Variants in TMBIM1 observed in about 807,000 individuals in gnomAD.
TMBIM1 encodes the protein transmembrane BAX inhibitor motif containing 1, also known as protein lifeguard 3.
A neutral mutation model predicts 45.1 loss-of-function variants in TMBIM1; 34 were observed. That is an observed-to-expected ratio of 0.75 (90% CI 0.57 to 1.00). TMBIM1 has a LOEUF of 1.00. TMBIM1 is among the 50% of genes least tolerant of loss of function. The probability of loss-of-function intolerance (pLI) is 0.00; values close to 1 mark genes in which losing one functional copy is unlikely to be tolerated. For missense variants in TMBIM1, 374 were observed against 402.4 expected, an observed-to-expected ratio of 0.93 and a Z score of 0.60; for synonymous variants, 157 against 153.5, an observed-to-expected ratio of 1.02 and a Z score of -0.17.
intron 1 of TMBIM1, among the ~76,000 whole-genome samples, chr2:218,287,710 C>T (rs1692632333): frequency 6.7e-6 from 1 of 150,340 alleles, no homozygotes; most frequent in Non-Finnish European, 1.5e-5. Context: ...AACCCCATCT[C>T]AAAAAAAAAG....
chr2:218,279,258 T>C (rs770103234), intron 4 of TMBIM1, 31 bp downstream of exon 4: 3 of 1,562,614 alleles, frequency 1.9e-6, no homozygotes, highest in Non-Finnish European at 2.6e-6. Flanking sequence ...CCCAGGGCAG[T>C]AGGAGTGGGT....
At chr2:218,278,020 G>A in intron 6 of TMBIM1, 46 bp from the exon 7 acceptor site, 1 of 1,607,098 alleles carries the variant, frequency 6.2e-7, no homozygotes, top group East Asian at 2.2e-5. Flanking sequence ...GGGCCCCTCA[G>A]GCGTCAGAGG....
rs762640669 is a variant in TMBIM1, at chr2:218,280,031, G to T, written c.298C>A (p.Arg100=). The change falls in exon 3 of 12, where the codon CGA becomes AGA. Residue 100 remains arginine (R), a synonymous_variant. Transcript: ENST00000258412. The stretch of plus-strand genomic sequence containing the variant: ...CCTCCCAGCGCGTATCTTACCTTTC[G>T]GATAAAAGTGTGTCGCACTTTCCGG... ...DDRKVRHTFI[R]KVYSIISVQL... is the part of the protein sequence containing the mutation. The T allele has an allele frequency of 6.2e-7, 1 of 1,613,788 alleles. No individual in the cohort carries two copies. The highest frequency in any genetic ancestry group is 1.7e-5 in the Admixed American group (1 of 59,992).
At chr2:218,292,304 G>T (rs947462897) in intron 1 of TMBIM1, among the ~76,000 whole-genome samples, 162 bp downstream of exon 1, 2 of 152,152 alleles carry the variant, frequency 1.3e-5, no homozygotes. Flanking sequence ...AGGGCCAGGA[G>T]GGGAGATCCC....
intron 7 of TMBIM1, 51 bp from the exon 8 acceptor site, chr2:218,277,721 A>G (rs1300179591): frequency 6.2e-7 from 1 of 1,612,072 alleles, no homozygotes; most frequent in Admixed American, 1.7e-5. Context: ...GAAGGAAGGC[A>G]GGGTGCTGGG....
chr2:218,278,240 T>A (rs1691454035), intron 6 of TMBIM1: 2 of 604,062 alleles, frequency 3.3e-6, no homozygotes, highest in Non-Finnish European at 5.8e-6. Context: ...GGGGAGAAAG[T>A]TACTCAGCCT....
At chr2:218,275,907 G>A (rs1219697744) in intron 11 of TMBIM1, 119 bp downstream of exon 11, 1 of 1,229,808 alleles carries the variant, frequency 8.1e-7, no homozygotes, top group Non-Finnish European at 1.1e-6. Context: ...AGTAGTGAGA[G>A]GAATGGCCTG....
intron 1 of TMBIM1, among the ~76,000 whole-genome samples, chr2:218,289,422 A>T (rs1692777602): frequency 6.6e-6 from 1 of 152,100 alleles, no homozygotes; most frequent in Non-Finnish European, 1.5e-5. Context: ...CAGGCGGATC[A>T]CTTGAGGTCA....
At chr2:218,276,111 G>A (rs1691181916) in intron 10 of TMBIM1, 32 bp from the exon 11 acceptor site, 1 of 1,607,992 alleles carries the variant, frequency 6.2e-7, no homozygotes, top group African/African-American at 1.3e-5. Context: ...AATGGCATTA[G>A]AAACCTCAGC....
In TMBIM1 at chr2:218,275,418, C is replaced by T; in HGVS notation, c.*57G>A. The T allele has an allele frequency of 1.9e-6, 3 of 1,573,166 alleles. No individual in the cohort carries two copies. In the South Asian group the frequency reaches 3.6e-5, roughly 19 times the overall value. On this transcript the variant is annotated 3_prime_UTR_variant, in exon 12 of 12. Transcript: ENST00000258412. Reference sequence around the variant, plus strand: ...AAGCCCAGACCACAGTCATAGGGCCCAGCCCTCTAGCTTGGAAGGGAGAGC... The same window carrying T: ...AAGCCCAGACCACAGTCATAGGGCCTAGCCCTCTAGCTTGGAAGGGAGAGC...
In TMBIM1 at chr2:218,282,188, TGG is replaced by T; in HGVS notation, c.-40-9_-40-8del. 7.1e-7 allele frequency: 1 copy of T among 1,398,696 alleles called. No homozygotes were observed. Among genetic ancestry groups the T allele is most frequent in the Non-Finnish European group, 9.4e-7 (1 of 1,060,176 alleles). 86.6% of individuals were successfully genotyped at this position (1,398,696 alleles called of 1,614,324 possible). A position where few individuals can be genotyped will look rare whatever the true frequency, so the allele number is the denominator to read the frequency against. ...GAACCCCAGCTGCTGGGACCTGAAA[TGG>T]GAGAGGAGAAAAGCAATCGTGAATG... On this transcript the variant is annotated splice_region_variant and splice_polypyrimidine_tract_variant and intron_variant, in intron 1 of 11. Coordinates refer to ENST00000258412, the MANE Select transcript of TMBIM1 (RefSeq NM_022152.6).
At chr2:218,285,540 G>A (rs1286563476) in intron 1 of TMBIM1, among the ~76,000 whole-genome samples, 1 of 152,162 alleles carries the variant, frequency 6.6e-6, no homozygotes, top group Non-Finnish European at 1.5e-5. Context: ...CCCAGGCTTG[G>A]AGATACATAA....
rs377618088 is a variant in TMBIM1, at chr2:218,275,610, G to A, written c.801C>T (p.Tyr267=). Residue 267 remains tyrosine (Y), a synonymous_variant, in exon 12 of 12, where the codon TAC becomes TAT. Transcript: ENST00000258412. Reference sequence around the variant, plus strand: ...GGTTCCCCAGGACCAGCTGTGTGTCGTAAGCCAGGAACTGCAAGGATAGGG... The same window carrying A: ...GGTTCCCCAGGACCAGCTGTGTGTCATAAGCCAGGAACTGCAAGGATAGGG... ...GAICFTLFLA[Y]DTQLVLGNRK... The A allele has an allele frequency of 1.1e-5, 18 of 1,611,674 alleles. No homozygotes were observed. The East Asian group carries it at 2.0e-4, about 18-fold the overall frequency.
intron 10 of TMBIM1, 83 bp downstream of exon 10, chr2:218,276,921 T>C: frequency 8.3e-7 from 1 of 1,200,400 alleles, no homozygotes; most frequent in Non-Finnish European, 1.2e-6. Context: ...CCCGGGGACC[T>C]TTGGGGCCTG....
intron 3 of TMBIM1, 68 bp downstream of exon 3, chr2:218,279,958 C>T: frequency 8.5e-7 from 1 of 1,173,838 alleles, no homozygotes; most frequent in Non-Finnish European, 1.3e-6. Flanking sequence ...GCTACTGTGG[C>T]CTACCCACTT....
intron 1 of TMBIM1, 64 bp from the exon 2 acceptor site, chr2:218,282,245 C>T (rs1000013463): frequency 1.7e-5 from 17 of 978,098 alleles, no homozygotes; most frequent in Non-Finnish European, 2.2e-5. Context: ...GCCTCATGGG[C>T]CCACTTCCAG....
intron 3 of TMBIM1, 177 bp from the exon 4 acceptor site, chr2:218,279,530 C>G (rs544027017): frequency 1.8e-6 from 1 of 560,122 alleles, no homozygotes; most frequent in African/African-American, 1.9e-5. Flanking sequence ...TCCTCAGCCC[C>G]GCTCCCATGC....
chr2:218,291,166 C>G lies in TMBIM1; in HGVS notation c.-41+1300G>C, dbSNP rs533532933. On this transcript the variant is annotated intron_variant, in intron 1 of 11. Coordinates refer to ENST00000258412, the MANE Select transcript of TMBIM1 (RefSeq NM_022152.6). ...GCTCTCCCAACACTTACAGGATAACCCATCATTACCTCTCTGAAGGGCTCA... is the reference window on the plus strand; with the variant it reads ...GCTCTCCCAACACTTACAGGATAACGCATCATTACCTCTCTGAAGGGCTCA... Among the ~76,000 whole-genome samples, 8 of 152,276 alleles carry G rather than the reference C, an allele frequency of 5.3e-5. 1 individual carries two copies. In the South Asian group the frequency reaches 1.5e-3, roughly 28 times the overall value.
chr2:218,280,220 C>T, intron 2 of TMBIM1, 94 bp from the exon 3 acceptor site: 1 of 924,964 alleles, frequency 1.1e-6, no homozygotes. Context: ...TCAGGGATCT[C>T]CAGCCAAAAG....
Sources: gnomAD v4.1 joint callset for allele counts (sites outside exome capture counted in the v4.1 genomes callset) on GRCh38, gnomAD v4.1.1 for gene constraint, MANE v1.5 for transcripts, NCBI Gene and HGNC (gene_info 2026-07-23, HGNC 2026-07-21) for gene names.